Variants in BLTP1 observed in about 807,000 individuals in gnomAD.
BLTP1 encodes the protein fragile site-associated protein.
chr4:122,165,498 G>A, the BLTP1 span, among the ~76,000 whole-genome samples: 1 of 138,464 alleles, frequency 7.2e-6, no homozygotes, highest in Admixed American at 7.7e-5. Flanking sequence ...TTGGTTCCAA[G>A]TCTTTGCTAT....
chr4:122,183,436 C>G, the BLTP1 span: 17 of 983,038 alleles, frequency 1.7e-5, no homozygotes, highest in African/African-American at 2.8e-4. Context: ...CTAAAGTGGT[C>G]AGTGTCATTA....
At chr4:122,250,463 G>A in the BLTP1 span, 1 of 1,613,836 alleles carries the variant, frequency 6.2e-7, no homozygotes, top group Non-Finnish European at 8.5e-7. Flanking sequence ...TAATTCTTCT[G>A]ATTCTCCAAC....
the BLTP1 span, among the ~76,000 whole-genome samples, chr4:122,220,079 G>A: frequency 4.2e-4 from 64 of 152,294 alleles, no homozygotes; most frequent in African/African-American, 1.5e-3. Flanking sequence ...CAAGAACCCA[G>A]GGACTTTGGT....
chr4:122,309,768 C>A, the BLTP1 span, among the ~76,000 whole-genome samples: 2 of 151,894 alleles, frequency 1.3e-5, no homozygotes, highest in African/African-American at 2.4e-5. Flanking sequence ...CTGTCGGAAT[C>A]TTGAAAAAAA....
At chr4:122,199,336 A>G in the BLTP1 span, 1 of 1,607,794 alleles carries the variant, frequency 6.2e-7, no homozygotes, top group Non-Finnish European at 8.5e-7. Context: ...CCTGGTTCTT[A>G]GTTTTTATGT....
the BLTP1 span, chr4:122,167,765 G>A: frequency 6.1e-6 from 6 of 985,298 alleles, no homozygotes; most frequent in Non-Finnish European, 7.2e-6. Flanking sequence ...GCTCTAGGCC[G>A]CTGAGACTTC....
chr4:122,235,083 T>G, the BLTP1 span: 2 of 1,388,042 alleles, frequency 1.4e-6, no homozygotes, highest in Non-Finnish European at 1.0e-6. Context: ...TATGCCATTT[T>G]GAGAGAAATT....
the BLTP1 span, chr4:122,346,037 G>A: frequency 1.0e-6 from 1 of 984,056 alleles, no homozygotes; most frequent in African/African-American, 1.7e-5. Flanking sequence ...AGCGGGTATC[G>A]CTATGTAGGT....
the BLTP1 span, chr4:122,344,649 C>A: frequency 8.4e-7 from 1 of 1,195,782 alleles, no homozygotes; most frequent in African/African-American, 1.5e-5. Flanking sequence ...AATATTAAGT[C>A]ACTTAATGTT....
chr4:122,195,394 G>A, the BLTP1 span, among the ~76,000 whole-genome samples: 1 of 151,640 alleles, frequency 6.6e-6, no homozygotes, highest in Non-Finnish European at 1.5e-5. Flanking sequence ...TTCAGATGAT[G>A]ATTATAATAA....
the BLTP1 span, chr4:122,340,602 T>C: frequency 7.2e-4 from 218 of 302,328 alleles, 3 homozygotes; most frequent in African/African-American, 4.6e-3. Flanking sequence ...TTATAGGAAA[T>C]CATTTGTTTT....
chr4:122,215,409 G>C, the BLTP1 span: 1 of 985,244 alleles, frequency 1.0e-6, no homozygotes, highest in East Asian at 1.1e-4. Flanking sequence ...GACTTAAAAT[G>C]AGTGCTGGTA....
the BLTP1 span, chr4:122,209,020 A>G: frequency 1.1e-6 from 1 of 946,080 alleles, no homozygotes; most frequent in Middle Eastern, 4.3e-4. Context: ...ATAATACAAT[A>G]AAATAAAAAT....
the BLTP1 span, among the ~76,000 whole-genome samples, chr4:122,296,334 A>C: frequency 6.6e-6 from 1 of 152,246 alleles, no homozygotes; most frequent in East Asian, 1.9e-4. Flanking sequence ...CAAAGAGAAT[A>C]AAATACCTAG....
the BLTP1 span, chr4:122,226,410 T>C: frequency 8.8e-7 from 1 of 1,133,570 alleles, no homozygotes; most frequent in Admixed American, 5.1e-5. Context: ...AGGGAAGATA[T>C]ATAACCTTGA....
chr4:122,247,052 ATAG>A, the BLTP1 span: 25 of 1,377,270 alleles, frequency 1.8e-5, no homozygotes, highest in Admixed American at 2.4e-5. Context: ...TTGGTGTATA[ATAG>A]TAGAGTGTTT....
At chr4:122,284,742 G>A in the BLTP1 span, among the ~76,000 whole-genome samples, 1 of 152,058 alleles carries the variant, frequency 6.6e-6, no homozygotes, top group Admixed American at 6.6e-5. Context: ...CAGTATAACT[G>A]TTCTATTTTG....
At chr4:122,307,303 G>C in the BLTP1 span, 2 of 183,940 alleles carry the variant, frequency 1.1e-5, no homozygotes, top group Non-Finnish European at 2.1e-5. Flanking sequence ...CATGAGTTCA[G>C]ATGTGGAATT....
At chr4:122,348,797 CT>C in the BLTP1 span, 3 of 909,816 alleles carry the variant, frequency 3.3e-6, no homozygotes, top group Non-Finnish European at 4.9e-6. Context: ...TATTCAGAAC[CT>C]TTTTTGAATG....
Sources: allele counts gnomAD v4.1 joint callset (sites outside exome capture counted in the v4.1 genomes callset), GRCh38; gene constraint gnomAD v4.1.1; transcripts MANE v1.5; gene names NCBI Gene and HGNC (gene_info 2026-07-23, HGNC 2026-07-21).